Variants in SNX29 observed in about 807,000 individuals in gnomAD.
SNX29 encodes sorting nexin 29.
Under a neutral mutation model 102.1 loss-of-function variants are expected in SNX29, and 78 were observed. The ratio of observed to expected loss-of-function variants is 0.76; its 90% CI spans 0.64 to 0.92. The LOEUF is 0.92. Among genes scored for constraint, SNX29 ranks in the 40% least tolerant of loss-of-function variants. The pLI is 0.00. For missense variants in SNX29, 1,280 were observed against 1,061.7 expected (o/e 1.21, Z -2.86); for synonymous variants, 580 against 414.5 (o/e 1.40, Z -4.85).
chr16:11,984,623 C>T (rs548535873), intron 1 of SNX29, among the ~76,000 whole-genome samples: 6 of 151,882 alleles, frequency 4.0e-5, no homozygotes, highest in Non-Finnish European at 1.5e-5. Flanking sequence ...CCCTCTCCTC[C>T]CTCTCTCCCT....
intron 18 of SNX29, among the ~76,000 whole-genome samples, chr16:12,405,678 T>C (rs901200196): frequency 6.6e-6 from 1 of 152,390 alleles, no homozygotes; most frequent in East Asian, 1.9e-4. Flanking sequence ...ATAAATGATA[T>C]TGCATAGAAG....
Position 12,042,947 on chromosome 16 carries a change from C to T in SNX29, c.298C>T (p.Gln100Ter), listed in dbSNP as rs770899066. The change falls in exon 5 of 21, where the codon CAG (glutamine) becomes TAG (stop). Residue 100 changes from glutamine (Q) to a stop codon, truncating the protein, a stop_gained. Coordinates refer to ENST00000566228, the MANE Select transcript of SNX29 (RefSeq NM_032167.5). LOFTEE classifies it high-confidence loss of function. ...VKEVLNKHEL[Q>*]RFYSLRHIAS... ...GGAGGTCCTCAACAAGCACGAGCTG[C>T]AGCGCTTCTACTCCCTGCGCCACAT... is the stretch of plus-strand genomic sequence containing the variant. 1 of 1,613,680 alleles carries T rather than the reference C, an allele frequency of 6.2e-7. No individual in the cohort carries two copies. Among genetic ancestry groups the T allele is most frequent in the African/African-American group, 1.3e-5 (1 of 74,944 alleles).
At chr16:12,412,251 A>G (rs571745550) in intron 18 of SNX29, among the ~76,000 whole-genome samples, 6 of 152,300 alleles carry the variant, frequency 3.9e-5, no homozygotes, top group African/African-American at 1.2e-4. Flanking sequence ...CATCTTATAG[A>G]TGAAGCAGCT....
At chr16:12,074,633 A>G (rs1238885909) in intron 10 of SNX29, among the ~76,000 whole-genome samples, 5 of 152,012 alleles carry the variant, frequency 3.3e-5, no homozygotes, top group East Asian at 1.9e-4. Flanking sequence ...GAATCTGACA[A>G]TTATGTGTCT....
At chr16:12,146,024 C>A (rs4781186) in intron 13 of SNX29, among the ~76,000 whole-genome samples, 1 of 152,192 alleles carries the variant, frequency 6.6e-6, no homozygotes, top group Non-Finnish European at 1.5e-5. Flanking sequence ...AGAAAGCGGC[C>A]TCTCTTTTAC....
At chr16:12,543,172 C>T (rs2077421310) in intron 20 of SNX29, among the ~76,000 whole-genome samples, 1 of 152,194 alleles carries the variant, frequency 6.6e-6, no homozygotes, top group African/African-American at 2.4e-5. Flanking sequence ...TCATCAGCTC[C>T]TGTAGAAGTC....
intron 11 of SNX29, among the ~76,000 whole-genome samples, chr16:12,123,997 A>G (rs1482300791): frequency 6.6e-6 from 1 of 152,208 alleles, no homozygotes; most frequent in African/African-American, 2.4e-5. Flanking sequence ...CAAGGATGAT[A>G]TCATTTGCTG....
chr16:12,027,550 G>C, intron 4 of SNX29, 106 bp downstream of exon 4: 1 of 1,387,044 alleles, frequency 7.2e-7, no homozygotes, highest in East Asian at 2.4e-5. Context: ...CGTGGGACTT[G>C]GTGGGGTGGT....
At chr16:12,556,597 G>C (rs1487827716) in intron 20 of SNX29, 2 of 152,296 alleles carry the variant, frequency 1.3e-5, no homozygotes, top group Non-Finnish European at 2.9e-5. Context: ...GAAGGGTTTG[G>C]GGTCTGAGGA....
chr16:12,566,144 C>T (rs935911232), intron 20 of SNX29, among the ~76,000 whole-genome samples: 2 of 152,180 alleles, frequency 1.3e-5, no homozygotes, highest in African/African-American at 4.8e-5. Context: ...CAGGCATTTG[C>T]CTACAGAAAC....
intron 11 of SNX29, among the ~76,000 whole-genome samples, chr16:12,102,771 G>C (rs1386176186): frequency 6.6e-6 from 1 of 152,182 alleles, no homozygotes; most frequent in Non-Finnish European, 1.5e-5. Flanking sequence ...AAGTCAAATT[G>C]TCTCTGTTTG....
At chr16:12,114,709 C>T (rs550984124) in intron 11 of SNX29, among the ~76,000 whole-genome samples, 4 of 152,188 alleles carry the variant, frequency 2.6e-5, no homozygotes, top group African/African-American at 9.6e-5. Context: ...GCCTCAGCCT[C>T]CCGAGTAGCT....
At chr16:12,172,758 C>T (rs1406843399) in intron 13 of SNX29, among the ~76,000 whole-genome samples, 3 of 152,060 alleles carry the variant, frequency 2.0e-5, no homozygotes, top group Non-Finnish European at 4.4e-5. Context: ...ATGCCATTCT[C>T]GATTTAAGGG....
At chr16:12,009,283 A>G (rs2056565337) in intron 3 of SNX29, among the ~76,000 whole-genome samples, 1 of 152,144 alleles carries the variant, frequency 6.6e-6, no homozygotes, top group Admixed American at 6.6e-5. Flanking sequence ...TGCTAGCAGG[A>G]CAGAGCAGAC....
At position 12,572,678 on chromosome 16, in the gene SNX29, G is replaced by C. The variant is rs1395626319; in HGVS notation, c.*4049G>C. ...TGTGTGAGCTGCAGCACCCACACGG[G>C]GGAAGCCCTGCACTCCAGCAGCATC... On this transcript the variant is annotated 3_prime_UTR_variant, in exon 21 of 21. Transcript: ENST00000566228. 3 of 1,063,638 alleles carry C rather than the reference G, an allele frequency of 2.8e-6. No individual in the cohort carries two copies. Among genetic ancestry groups the C allele is most frequent in the Non-Finnish European group, 3.4e-6 (3 of 878,350 alleles). 65.9% of individuals were successfully genotyped at this position (1,063,638 alleles called of 1,614,324 possible).
intron 14 of SNX29, among the ~76,000 whole-genome samples, chr16:12,273,923 C>G (rs2079167273): frequency 6.6e-6 from 1 of 152,202 alleles, no homozygotes; most frequent in South Asian, 2.1e-4. Flanking sequence ...GCTCTTCATT[C>G]CTCTCATGGC....
At position 12,048,381 on chromosome 16, in the gene SNX29, C is replaced by A; in HGVS notation, c.509C>A (p.Ser170Tyr). Residue 170 changes from serine (S) to tyrosine (Y), a missense_variant, in exon 7 of 21, where the codon TCC (serine) becomes TAC (tyrosine). Coordinates refer to ENST00000566228, the MANE Select transcript of SNX29 (RefSeq NM_032167.5). ...CCCTTTTTTTGGGCAGGTCTGAACT[C>A]CATACTCTTTGCGATTAACATCGAC... ...MLPTMAAGLNSILFAINIDNK... is the reference protein window; with the variant it reads ...MLPTMAAGLNYILFAINIDNK... The A allele has an allele frequency of 1.2e-6, 2 of 1,613,904 alleles. No homozygotes were observed. Among genetic ancestry groups the A allele is most frequent in the South Asian group, 1.1e-5 (1 of 91,064 alleles).
intron 11 of SNX29, among the ~76,000 whole-genome samples, chr16:12,105,369 C>T (rs977916025): frequency 6.6e-6 from 1 of 152,072 alleles, no homozygotes; most frequent in African/African-American, 2.4e-5. Context: ...GGATTACAGG[C>T]ACACACCACC....
intron 19 of SNX29, among the ~76,000 whole-genome samples, chr16:12,503,898 A>C (rs1314471909): frequency 6.6e-6 from 1 of 152,172 alleles, no homozygotes; most frequent in East Asian, 1.9e-4. Context: ...AGTTTTATTA[A>C]GATAAAATTC....
Sources: allele counts gnomAD v4.1 joint callset (sites outside exome capture counted in the v4.1 genomes callset), GRCh38; gene constraint gnomAD v4.1.1; transcripts MANE v1.5; gene names NCBI Gene and HGNC (gene_info 2026-07-23, HGNC 2026-07-21).